The following IQGAP2 variants were observed in gnomAD, a reference collection of about 807,000 sequenced individuals.
IQGAP2 encodes the protein IQ motif containing GTPase activating protein 2.
In IQGAP2, 173 loss-of-function variants were observed where a neutral mutation model predicts 201.3. That is an observed-to-expected ratio of 0.86 (90% confidence interval 0.76 to 0.98). IQGAP2 has a LOEUF of 0.98. IQGAP2 is among the 50% of genes least tolerant of loss of function. The pLI, the probability that IQGAP2 is intolerant of heterozygous loss-of-function variation, is 0.00. For synonymous variants in IQGAP2, 675 were observed against 673.9 expected, an observed-to-expected ratio of 1.00 and a Z score of -0.03; for missense variants, 1,687 against 1,864.8, an observed-to-expected ratio of 0.90 and a Z score of 1.76.
At chr5:76,429,354 C>T (rs1235806295) in intron 1 of IQGAP2, among the ~76,000 whole-genome samples, 4 of 151,450 alleles carry the variant, frequency 2.6e-5, no homozygotes, top group Non-Finnish European at 4.4e-5. Context: ...GGGCAGATCA[C>T]GAGGTCCGGA....
rs1192418554 is a variant in IQGAP2, at chr5:76,590,417, C to CAGTTAT, written c.653_658dup (p.Val218_Ile219dup). On this transcript the variant is annotated inframe_insertion, in exon 8 of 36. Coordinates refer to ENST00000274364, the MANE Select transcript of IQGAP2 (RefSeq NM_006633.5). ...TCTCTTTACTTTTTAGTACATGCTG[C>CAGTTAT]AGTTATAGCCATTAATGAAGCAGTT... is the stretch of plus-strand genomic sequence containing the variant. The CAGTTAT allele has an allele frequency of 5.6e-6, 9 of 1,599,072 alleles. No homozygotes were observed. The highest frequency in any genetic ancestry group is 7.7e-6 in the Non-Finnish European group (9 of 1,173,596).
At chr5:76,438,464 A>G (rs945496027) in intron 1 of IQGAP2, among the ~76,000 whole-genome samples, 1 of 150,932 alleles carries the variant, frequency 6.6e-6, no homozygotes, top group African/African-American at 2.4e-5. Flanking sequence ...TTTTTTTGAG[A>G]TGGAGTGTCG....
intron 2 of IQGAP2, among the ~76,000 whole-genome samples, chr5:76,555,118 T>C (rs1189889608): frequency 6.6e-6 from 1 of 152,120 alleles, no homozygotes; most frequent in Non-Finnish European, 1.5e-5. Context: ...CTAAAGACAG[T>C]AGATTAGTGT....
At position 76,674,457 on chromosome 5, in the gene IQGAP2, G is replaced by A; in HGVS notation, c.3295-20G>A. 1 of 1,460,790 alleles carries A rather than the reference G, an allele frequency of 6.8e-7. No homozygotes were observed. The allele number at this position is 1,460,790 out of a possible 1,614,324, so 90.5% of individuals were successfully genotyped here. On this transcript the variant is annotated intron_variant, in intron 26 of 35. Coordinates refer to ENST00000274364, the MANE Select transcript of IQGAP2 (RefSeq NM_006633.5). ...AGTTTTCTCTCTTAAAAATGGTCATGCACTTCTGCGTCACTCCAGATTGTT... is the reference window on the plus strand; with the variant it reads ...AGTTTTCTCTCTTAAAAATGGTCATACACTTCTGCGTCACTCCAGATTGTT...
At chr5:76,539,650 A>G (rs777496562) in intron 2 of IQGAP2, among the ~76,000 whole-genome samples, 7 of 152,016 alleles carry the variant, frequency 4.6e-5, no homozygotes, top group Admixed American at 1.3e-4. Flanking sequence ...GCCAACATCA[A>G]CCTTTCTCCT....
In IQGAP2 at chr5:76,496,750, TTTCTTTCTTTCTTTCTTTC is replaced by T. The variant is rs1561416394; in HGVS notation, c.146+35084_146+35102del. Among the ~76,000 whole-genome samples, 16 of 65,554 alleles carry T rather than the reference TTTCTTTCTTTCTTTCTTTC, an allele frequency of 2.4e-4. 1 individual carries two copies. The highest frequency in any genetic ancestry group is 9.9e-4 in the African/African-American group (14 of 14,138). The allele number at this position is 65,554 out of a possible 152,430, so 43.0% of individuals were successfully genotyped here. ...TTTTCTTTCTTTCTTTCTTTCTTTC[TTTCTTTCTTTCTTTCTTTC>T]TTTCTTTCTTTCTTTCTTTCTTTCT... On this transcript the variant is annotated intron_variant, in intron 2 of 35. Transcript: ENST00000274364.
chr5:76,673,451 A>G lies in IQGAP2; in HGVS notation c.3071A>G (p.Lys1024Arg), dbSNP rs1351917328. 2 of 1,611,116 alleles carry G rather than the reference A, an allele frequency of 1.2e-6. No individual in the cohort carries two copies. The highest frequency in any genetic ancestry group is 3.4e-5 in the Admixed American group (2 of 59,056). ...QLETQTGEAS[K>R]LPYDVTTEQA... ...ATTTAAAGCCTTTGTGTTTTCAGCA[A>G]GTTGCCTTATGATGTGACCACAGAA... Residue 1024 changes from lysine to arginine, a missense_variant and splice_region_variant, in exon 25 of 36, where the codon AAG becomes AGG. Physicochemically the swap from Lys to Arg is conservative, Grantham distance 26. Coordinates refer to ENST00000274364, the MANE Select transcript of IQGAP2 (RefSeq NM_006633.5).
In IQGAP2 at chr5:76,594,105, T is replaced by C. The variant is rs116365861; in HGVS notation, c.907+1180T>C. 5.2e-3 allele frequency among the ~76,000 whole-genome samples: 793 copies of C among 152,326 alleles called. 8 individuals are homozygous for C. Among genetic ancestry groups the C allele is most frequent in the African/African-American group, 0.018 (735 of 41,582 alleles). On this transcript the variant is annotated intron_variant, in intron 9 of 35. Transcript: ENST00000274364. ...CATTTTAGGGTGCATGTGCCTGTTGTTTTATTCTTGTGAAATCTTGAACAT... is the reference window on the plus strand; with the variant it reads ...CATTTTAGGGTGCATGTGCCTGTTGCTTTATTCTTGTGAAATCTTGAACAT...
chr5:76,503,262 C>A lies in IQGAP2; in HGVS notation c.146+41593C>A, dbSNP rs530793161. On this transcript the variant is annotated intron_variant, in intron 2 of 35. Coordinates refer to ENST00000274364, the MANE Select transcript of IQGAP2 (RefSeq NM_006633.5). ...GATCTCAGCTAACTGCAACCTCCCCCTCCCGGGTTCAAGCAATTCTCCTGC... is the reference window on the plus strand; with the variant it reads ...GATCTCAGCTAACTGCAACCTCCCCATCCCGGGTTCAAGCAATTCTCCTGC... Among the ~76,000 whole-genome samples the A allele has an allele frequency of 4.7e-5, 7 of 149,932 alleles. No individual in the cohort carries two copies. In the South Asian group the frequency reaches 8.5e-4, roughly 18 times the overall value.
At chr5:76,480,363 T>A (rs751882590) in intron 2 of IQGAP2, among the ~76,000 whole-genome samples, 7 of 152,244 alleles carry the variant, frequency 4.6e-5, no homozygotes, top group Non-Finnish European at 1.0e-4. Context: ...GCTAATCCCC[T>A]CTCTCTGGAA....
chr5:76,410,298 T>C (rs1018114116), intron 1 of IQGAP2, among the ~76,000 whole-genome samples: 1 of 152,184 alleles, frequency 6.6e-6, no homozygotes, highest in African/African-American at 2.4e-5. Flanking sequence ...ATTTGTACTG[T>C]GGAATCTTCT....
At chr5:76,518,444 T>A (rs901482241) in intron 2 of IQGAP2, among the ~76,000 whole-genome samples, 7 of 152,128 alleles carry the variant, frequency 4.6e-5, no homozygotes, top group Admixed American at 4.6e-4. Flanking sequence ...TTCATTATCA[T>A]GAGAACAGCA....
intron 1 of IQGAP2, among the ~76,000 whole-genome samples, chr5:76,444,017 GTGTAT>G (rs1202171864): frequency 6.7e-6 from 1 of 150,364 alleles, no homozygotes; most frequent in African/African-American, 2.4e-5. Flanking sequence ...TGCCCTCCAA[GTGTAT>G]TGTAAAGTGT....
rs147533241 is a variant in IQGAP2 at position 76,473,245 on chromosome 5, C to G, written c.146+11576C>G. On this transcript the variant is annotated intron_variant, in intron 2 of 35. Transcript: ENST00000274364. ...CTATATGGGCTAGTTCTAGTTCTAGCTCTTGATCAATAAATTCTCACTTAA... is the reference window on the plus strand; with the variant it reads ...CTATATGGGCTAGTTCTAGTTCTAGGTCTTGATCAATAAATTCTCACTTAA... Among the ~76,000 whole-genome samples, 24 of 152,194 alleles carry G rather than the reference C, an allele frequency of 1.6e-4. No homozygotes were observed. In the East Asian group the frequency reaches 4.6e-3, roughly 29 times the overall value.
At chr5:76,567,647 AC>A (rs1445689388) in intron 3 of IQGAP2, among the ~76,000 whole-genome samples, 7 of 152,196 alleles carry the variant, frequency 4.6e-5, no homozygotes, top group Non-Finnish European at 8.8e-5. Context: ...GGGAGTCTTA[AC>A]CTTGAGCCTA....
chr5:76,668,552 ATCT>A (rs1468698308), intron 22 of IQGAP2, 126 bp from the exon 23 acceptor site: 16 of 691,914 alleles, frequency 2.3e-5, no homozygotes, highest in Non-Finnish European at 3.6e-5. Context: ...TTATATACTC[ATCT>A]ATATGCTTTT....
chr5:76,666,699 A>G (rs531142596), intron 22 of IQGAP2, among the ~76,000 whole-genome samples: 15 of 152,332 alleles, frequency 9.8e-5, no homozygotes, highest in African/African-American at 3.4e-4. Flanking sequence ...AATTATAGAA[A>G]AGCAAATGGC....
In IQGAP2 at chr5:76,665,012, CA is replaced by C; in HGVS notation, c.2530-11del. 6.9e-7 allele frequency: 1 copy of C among 1,456,572 alleles called. No homozygotes were observed. Among genetic ancestry groups the C allele is most frequent in the Non-Finnish European group, 9.6e-7 (1 of 1,043,208 alleles). 90.2% of individuals were successfully genotyped at this position (1,456,572 alleles called of 1,614,324 possible). A position where few individuals can be genotyped will look rare whatever the true frequency, so the allele number is the denominator to read the frequency against. ...GAGAATTAAAAAGGAGTAATCTCAT[CA>C]AATTTTTTACAGGATGTAATTTCAC... On this transcript the variant is annotated splice_polypyrimidine_tract_variant and intron_variant, in intron 21 of 35. Transcript: ENST00000274364.
At chr5:76,674,916 A>G (rs943654269) in intron 27 of IQGAP2, among the ~76,000 whole-genome samples, 2 of 152,182 alleles carry the variant, frequency 1.3e-5, no homozygotes, top group Non-Finnish European at 2.9e-5. Context: ...CCCCCACCAC[A>G]GCACTCCTAT....
Sources: gnomAD v4.1 joint callset for allele counts (sites outside exome capture counted in the v4.1 genomes callset) on GRCh38, gnomAD v4.1.1 for gene constraint, MANE v1.5 for transcripts, NCBI Gene and HGNC (gene_info 2026-07-23, HGNC 2026-07-21) for gene names.